TAFA2: variants seen among roughly 807,000 people sequenced by gnomAD.
TAFA2 encodes the protein TAFA chemokine like family member 2.
A neutral mutation model predicts 18.8 loss-of-function variants in TAFA2; 7 were observed. The ratio of observed to expected loss-of-function variants is 0.37; its 90% CI spans 0.21 to 0.70. TAFA2 has a LOEUF of 0.70. Ranked by LOEUF, TAFA2 falls within the 30% of genes least tolerant of loss-of-function variation. TAFA2 has a pLI of 0.53. For missense variants in TAFA2, 122 were observed against 158.1 expected (o/e 0.77, Z 1.23); for synonymous variants, 60 against 54.2 (o/e 1.11, Z -0.47).
At position 61,955,631 on chromosome 12, in the gene TAFA2, AAATATATATATATATATATATATATAT is replaced by A. The variant is rs1261723107; in HGVS notation, c.-1-88232_-1-88206del. 7.3e-3 allele frequency among the ~76,000 whole-genome samples: 119 copies of A among 16,382 alleles called. 2 individuals carry two copies. The highest frequency in any genetic ancestry group is 0.042 in the South Asian group (8 of 192). 10.7% of individuals were successfully genotyped at this position (16,382 alleles called of 152,430 possible). ...AAAAAAAAAAAAAAAAAAAAAAAAA[AAATATATATATATATATATATATATAT>A]ATATATATATATTTAATTTTAAAAA... On this transcript the variant is annotated intron_variant, in intron 1 of 4. Coordinates refer to ENST00000416284, the MANE Select transcript of TAFA2 (RefSeq NM_178539.5).
intron 1 of TAFA2, among the ~76,000 whole-genome samples, chr12:62,117,125 C>T (rs1869995637): frequency 6.6e-6 from 1 of 152,152 alleles, no homozygotes; most frequent in Non-Finnish European, 1.5e-5. Context: ...AATTTCTGTT[C>T]TTTAATATCA....
At chr12:62,003,298 T>C (rs1430847931) in intron 1 of TAFA2, among the ~76,000 whole-genome samples, 2 of 152,180 alleles carry the variant, frequency 1.3e-5, no homozygotes, top group Admixed American at 6.5e-5. Context: ...AAGCCAGCCA[T>C]GAACCGCACC....
intron 1 of TAFA2, among the ~76,000 whole-genome samples, chr12:62,201,004 A>C (rs1351999442): frequency 6.6e-6 from 1 of 152,080 alleles, no homozygotes; most frequent in Non-Finnish European, 1.5e-5. Flanking sequence ...CTTTGTAACA[A>C]TTGTAATGGG....
At chr12:61,854,580 G>C (rs1426446163) in intron 2 of TAFA2, among the ~76,000 whole-genome samples, 1 of 151,858 alleles carries the variant, frequency 6.6e-6, no homozygotes, top group African/African-American at 2.4e-5. Flanking sequence ...GCAGAAAAGA[G>C]AGGGAGGAGG....
intron 1 of TAFA2, among the ~76,000 whole-genome samples, chr12:61,990,478 T>A (rs1294683460): frequency 1.3e-5 from 2 of 151,668 alleles, no homozygotes; most frequent in Non-Finnish European, 2.9e-5. Context: ...TAGCTGGGAC[T>A]ACAGGTGCCC....
chr12:61,802,189 A>C (rs748093979), intron 2 of TAFA2, among the ~76,000 whole-genome samples: 2 of 152,068 alleles, frequency 1.3e-5, no homozygotes, highest in Non-Finnish European at 2.9e-5. Flanking sequence ...CACTATTGAA[A>C]ACAGTATGAA....
chr12:62,021,890 T>G (rs1015280446), intron 1 of TAFA2: 1 of 756,504 alleles, frequency 1.3e-6, no homozygotes, highest in African/African-American at 1.7e-5. Context: ...CCAGACACCA[T>G]GACCTCACAG....
At chr12:61,754,479 A>AT (rs1400105108) in intron 3 of TAFA2, among the ~76,000 whole-genome samples, 2 of 151,650 alleles carry the variant, frequency 1.3e-5, no homozygotes, top group Non-Finnish European at 2.9e-5. Context: ...ACATGGTGCT[A>AT]TTTTTTTTAA....
chr12:61,792,614 A>G (rs1333530451), intron 2 of TAFA2, among the ~76,000 whole-genome samples: 2 of 148,614 alleles, frequency 1.3e-5, no homozygotes, highest in East Asian at 4.1e-4. Flanking sequence ...TGCAAACACT[A>G]AACATAGAAA....
At position 62,189,940 on chromosome 12, in the gene TAFA2, T is replaced by TGTGTGTGTG. The variant is rs2062610988; in HGVS notation, c.-2+1318_-2+1319insCACACACAC. On this transcript the variant is annotated intron_variant, in intron 1 of 4. Coordinates refer to ENST00000416284, the MANE Select transcript of TAFA2 (RefSeq NM_178539.5). ...AGTAAAGGTTGCTTATGAGTTTGCT[T>TGTGTGTGTG]TGTGTGTGTGTGTGTGTGTGTGTGT... Among the ~76,000 whole-genome samples, 53 of 142,022 alleles carry TGTGTGTGTG rather than the reference T, an allele frequency of 3.7e-4. 1 individual carries two copies. The highest frequency in any genetic ancestry group is 1.4e-3 in the African/African-American group (52 of 37,720). 93.2% of individuals were successfully genotyped at this position (142,022 alleles called of 152,430 possible).
At chr12:61,965,294 C>G (rs1433904717) in intron 1 of TAFA2, among the ~76,000 whole-genome samples, 1 of 151,742 alleles carries the variant, frequency 6.6e-6, no homozygotes, top group Non-Finnish European at 1.5e-5. Flanking sequence ...ATCTATGAAC[C>G]AGAATGTGAG....
chr12:62,138,828 C>T (rs2062217967), intron 1 of TAFA2, among the ~76,000 whole-genome samples: 1 of 152,140 alleles, frequency 6.6e-6, no homozygotes, highest in Non-Finnish European at 1.5e-5. Flanking sequence ...GAAACAGAAA[C>T]GTTCATTTTA....
intron 1 of TAFA2, among the ~76,000 whole-genome samples, chr12:62,226,896 C>T (rs995303239): frequency 1.3e-5 from 2 of 152,146 alleles, no homozygotes; most frequent in African/African-American, 4.8e-5. Context: ...TCTTTTTTGG[C>T]CTGGCATATT....
At chr12:61,985,388 G>C (rs1879777840) in intron 1 of TAFA2, among the ~76,000 whole-genome samples, 1 of 152,184 alleles carries the variant, frequency 6.6e-6, no homozygotes. Flanking sequence ...AACCATTTGA[G>C]GGGAGGAAGA....
intron 1 of TAFA2, among the ~76,000 whole-genome samples, chr12:62,131,011 G>C (rs530314700): frequency 6.6e-6 from 1 of 152,070 alleles, no homozygotes; most frequent in African/African-American, 2.4e-5. Flanking sequence ...TGTTGATGCA[G>C]AACGGAAAAA....
At chr12:62,247,940 TTGTTTC>T (rs1239739227) in intron 1 of TAFA2, among the ~76,000 whole-genome samples, 1 of 152,242 alleles carries the variant, frequency 6.6e-6, no homozygotes, top group Non-Finnish European at 1.5e-5. Context: ...TTTTGAGTTT[TTGTTTC>T]TTTTTCTTTT....
intron 1 of TAFA2, among the ~76,000 whole-genome samples, chr12:62,129,795 C>A (rs1367890100): frequency 6.6e-6 from 1 of 151,924 alleles, no homozygotes; most frequent in Non-Finnish European, 1.5e-5. Flanking sequence ...CTTTCATCCC[C>A]AGGACAGTCA....
intron 1 of TAFA2, among the ~76,000 whole-genome samples, chr12:62,209,853 T>C (rs2062706421): frequency 6.6e-6 from 1 of 152,242 alleles, no homozygotes; most frequent in South Asian, 2.1e-4. Context: ...ATTTTATGAC[T>C]TATAAACTGA....
At chr12:62,232,668 T>C (rs1174962334) in intron 1 of TAFA2, among the ~76,000 whole-genome samples, 1 of 152,128 alleles carries the variant, frequency 6.6e-6, no homozygotes, top group African/African-American at 2.4e-5. Context: ...CCCACCATCA[T>C]GCCCGGCTAA....
Sources: gnomAD v4.1 joint callset for allele counts (sites outside exome capture counted in the v4.1 genomes callset) on GRCh38, gnomAD v4.1.1 for gene constraint, MANE v1.5 for transcripts, NCBI Gene and HGNC (gene_info 2026-07-23, HGNC 2026-07-21) for gene names.